Variants in WDR35 observed in about 807,000 individuals in gnomAD.
WDR35 encodes WD repeat domain 35.
WDR35 carries 118 observed loss-of-function variants against 158.3 expected under a neutral mutation model. The observed-to-expected ratio is 0.75, with a 90% CI of 0.64 to 0.87. The LOEUF (loss-of-function observed/expected upper bound fraction) is 0.87. Among genes scored for constraint, WDR35 ranks in the 40% least tolerant of loss-of-function variants. The pLI is 0.00. For synonymous variants in WDR35, 448 were observed against 476.1 expected (o/e 0.94, Z 0.77); for missense variants, 1,263 against 1,405.8 (o/e 0.90, Z 1.62).
At chr2:19,922,936 A>G (rs753120269) in intron 25 of WDR35, among the ~76,000 whole-genome samples, 1 of 152,218 alleles carries the variant, frequency 6.6e-6, no homozygotes, top group Non-Finnish European at 1.5e-5. Context: ...AGGAGTTCTT[A>G]AACCACAACC....
chr2:19,914,831 C>A (rs546163437), intron 25 of WDR35, among the ~76,000 whole-genome samples: 51 of 151,980 alleles, frequency 3.4e-4, no homozygotes, highest in African/African-American at 1.2e-3. Context: ...GAAAATGAGT[C>A]TCCAAGTTGT....
At chr2:19,986,813 G>C (rs985888667) in intron 2 of WDR35, among the ~76,000 whole-genome samples, 2 of 152,176 alleles carry the variant, frequency 1.3e-5, no homozygotes, top group African/African-American at 4.8e-5. Flanking sequence ...CTGAAAACTG[G>C]AAATGCAATG....
intron 5 of WDR35, among the ~76,000 whole-genome samples, chr2:19,975,950 C>G (rs989560298): frequency 6.6e-6 from 1 of 152,070 alleles, no homozygotes; most frequent in Non-Finnish European, 1.5e-5. Flanking sequence ...TAAAAGCACC[C>G]AAAAAACAAA....
chr2:19,936,229 G>T lies in WDR35; in HGVS notation c.2404C>A (p.Arg802=). ...NNAIGDYFAD[R]QKWLNAVQYY... ...AGGTAAGTTACATACCACTTTTGTC[G>T]ATCAGCAAAGTAGTCTCCAATGGCA... The change falls in exon 20 of 27, where the codon CGA becomes AGA. Residue 802 remains arginine, a synonymous_variant. Transcript: ENST00000281405. 1 of 1,613,828 alleles carries T rather than the reference G, an allele frequency of 6.2e-7. No homozygotes were observed. Among genetic ancestry groups the T allele is most frequent in the South Asian group, 1.1e-5 (1 of 91,062 alleles).
At position 19,975,761 on chromosome 2, in the gene WDR35, A is replaced by G. The variant is rs903180679; in HGVS notation, c.437-98T>C. ...TCTAAAGATCTCACAAATTCTTCAC[A>G]GCATTCATGCATTCATTCAATTTAT... On this transcript the variant is annotated intron_variant, in intron 5 of 26. Transcript: ENST00000281405. The G allele has an allele frequency of 5.4e-6, 8 of 1,486,968 alleles. No homozygotes were observed. The African/African-American group carries it at 9.7e-5, about 18-fold the overall frequency. 92.1% of individuals were successfully genotyped at this position (1,486,968 alleles called of 1,614,324 possible). A position where few individuals can be genotyped will look rare whatever the true frequency, so the allele number is the denominator to read the frequency against.
Position 19,935,496 on chromosome 2 carries a change from A to C in WDR35, c.2522T>G (p.Leu841Arg). The change falls in exon 21 of 27, where the codon CTT becomes CGT. Residue 841 changes from leucine (L) to arginine (R), a missense_variant. Transcript: ENST00000281405. ...TGGAAGTAACTTGTGGTTTTCTGGA[A>C]GTGAAATGGCAAGGTTCTCTAACCC... ...YEGLENLAIS[L>R]PENHKLLPEI... 1 of 1,613,090 alleles carries C rather than the reference A, an allele frequency of 6.2e-7. No individual in the cohort carries two copies.
chr2:19,985,590 A>C (rs1365569300), intron 2 of WDR35, among the ~76,000 whole-genome samples: 4 of 151,720 alleles, frequency 2.6e-5, no homozygotes, highest in Non-Finnish European at 5.9e-5. Context: ...TAAAAAAAAA[A>C]AAAAAAAAAA....
chr2:19,913,468 C>T lies in WDR35; in HGVS notation c.*90G>A. On this transcript the variant is annotated 3_prime_UTR_variant, in exon 27 of 27. Coordinates refer to ENST00000281405, the MANE Select transcript of WDR35 (RefSeq NM_020779.4). ...TAATGAGGCTGATTTTCATACAAAA[C>T]TCACAGAAATAAACCTTATTACATA... The T allele has an allele frequency of 6.7e-7, 1 of 1,503,732 alleles. No homozygotes were observed. The allele number at this position is 1,503,732 out of a possible 1,614,324, so 93.1% of individuals were successfully genotyped here.
chr2:19,952,329 A>ATCT (rs1451719676), intron 12 of WDR35, among the ~76,000 whole-genome samples: 1 of 152,212 alleles, frequency 6.6e-6, no homozygotes, highest in African/African-American at 2.4e-5. Context: ...TAGATTTATG[A>ATCT]AAGTGTCTGG....
intron 10 of WDR35, among the ~76,000 whole-genome samples, chr2:19,965,288 C>T (rs1297400991): frequency 6.6e-6 from 1 of 152,182 alleles, no homozygotes; most frequent in Non-Finnish European, 1.5e-5. Context: ...TTCTTTTCCA[C>T]TTGTGTTTAG....
chr2:19,948,789 G>A (rs1405542581), intron 13 of WDR35, among the ~76,000 whole-genome samples: 4 of 151,836 alleles, frequency 2.6e-5, no homozygotes, highest in African/African-American at 9.7e-5. Context: ...ACAAGAATGG[G>A]ACTGGGCCCA....
rs1670644508 is a variant in WDR35 at position 19,934,921 on chromosome 2, T to C, written c.2547+550A>G. On this transcript the variant is annotated intron_variant, in intron 21 of 26. Transcript: ENST00000281405. The surrounding 1 kb of genome is among the most constrained non-coding windows in gnomAD (Gnocchi z 4.6). ...AGAGCTGCTAGCTCTACAAGTATTG[T>C]ACGGCTCAGTGATTCACATATTAAA... 1 of 153,118 alleles carries C rather than the reference T, an allele frequency of 6.5e-6. No homozygotes were observed. Among genetic ancestry groups the C allele is most frequent in the Non-Finnish European group, 1.5e-5 (1 of 68,684 alleles). 9.5% of individuals were successfully genotyped at this position (153,118 alleles called of 1,614,324 possible).
In WDR35 at chr2:19,941,941, A is replaced by C. The variant is rs59210692; in HGVS notation, c.1846-102T>G. 1.9e-4 allele frequency: 165 copies of C among 862,998 alleles called. No individual in the cohort carries two copies. The African/African-American group carries it at 2.0e-3, about 11-fold the overall frequency. The allele number at this position is 862,998 out of a possible 1,614,324, so 53.5% of individuals were successfully genotyped here. On this transcript the variant is annotated intron_variant, in intron 16 of 26. Coordinates refer to ENST00000281405, the MANE Select transcript of WDR35 (RefSeq NM_020779.4). Reference sequence around the variant, plus strand: ...ATTATCAGAGTTTTCAGGTAAACAAAAGAGAGAATGTCATTAACACCCATA... The same window carrying C: ...ATTATCAGAGTTTTCAGGTAAACAACAGAGAGAATGTCATTAACACCCATA...
chr2:19,939,400 T>C lies in WDR35; in HGVS notation c.1927-999A>G, dbSNP rs189897081. ...AATACTATTAAAAATTAAAATATAA[T>C]TTAAACTAATAACTACCTGGTTTTT... On this transcript the variant is annotated intron_variant, in intron 17 of 26. Transcript: ENST00000281405. 1.3e-3 allele frequency among the ~76,000 whole-genome samples: 204 copies of C among 152,234 alleles called. 1 individual carries two copies. Among genetic ancestry groups the C allele is most frequent in the African/African-American group, 3.5e-3 (144 of 41,562 alleles).
At chr2:19,959,478 G>GTATATATATATA (rs1671561086) in intron 11 of WDR35, among the ~76,000 whole-genome samples, 1 of 151,808 alleles carries the variant, frequency 6.6e-6, no homozygotes, top group East Asian at 1.9e-4. Flanking sequence ...GTATATATAT[G>GTATATATATATA]TGTATATAAA....
rs1364663396 is a variant in WDR35 at position 19,966,743 on chromosome 2, G to GCT, written c.1173_1174dup (p.Ala392GlufsTer11). 1 of 1,613,884 alleles carries GCT rather than the reference G, an allele frequency of 6.2e-7. No homozygotes were observed. The highest frequency in any genetic ancestry group is 2.2e-5 in the East Asian group (1 of 44,830). ...ACCTACCTGAGGATGATTTTCATCA[G>GCT]CTTTTGTAGCCAAAATGCAGAAATC... On this transcript the variant is annotated frameshift_variant, in exon 10 of 27. Coordinates refer to ENST00000281405, the MANE Select transcript of WDR35 (RefSeq NM_020779.4). LOFTEE classifies it high-confidence loss of function.
At chr2:19,986,076 A>C (rs1311048974) in intron 2 of WDR35, among the ~76,000 whole-genome samples, 1 of 152,172 alleles carries the variant, frequency 6.6e-6, no homozygotes, top group Non-Finnish European at 1.5e-5. Context: ...GATGGGTTCA[A>C]CATACACTTT....
In WDR35 at chr2:19,980,763, A is replaced by G. The variant is rs747660978; in HGVS notation, c.235T>C (p.Trp79Arg). 2 of 1,613,784 alleles carry G rather than the reference A, an allele frequency of 1.2e-6. No homozygotes were observed. The highest frequency in any genetic ancestry group is 1.7e-5 in the Admixed American group (1 of 60,016). The change falls in exon 4 of 27, where the codon TGG (tryptophan) becomes CGG (arginine). Residue 79 changes from tryptophan to arginine, a missense_variant. By Grantham distance (101) the Trp-to-Arg change is moderately radical (BLOSUM62 -3). Transcript: ENST00000281405. ...GTCAACTTCTGATACTGCTCATTCC[A>G]TGTTACAACTTGAACAGAACCTAGA... ...GHSGSVQVVT[W>R]NEQYQKLTTS...
chr2:19,979,923 AC>A (rs1672332204), intron 4 of WDR35, among the ~76,000 whole-genome samples: 1 of 152,122 alleles, frequency 6.6e-6, no homozygotes, highest in African/African-American at 2.4e-5. Flanking sequence ...GAACTAAGGC[AC>A]CCTTCCCTTT....
Sources: gnomAD v4.1 joint callset for allele counts (sites outside exome capture counted in the v4.1 genomes callset) on GRCh38, gnomAD v4.1.1 for gene constraint, Gnocchi (gnomAD v3.1) non-coding constraint, MANE v1.5 for transcripts, NCBI Gene and HGNC (gene_info 2026-07-23, HGNC 2026-07-21) for gene names.